The following PYHIN1 variants were observed in gnomAD, a reference collection of about 807,000 sequenced individuals.
PYHIN1 encodes the protein pyrin and HIN domain family member 1.
In PYHIN1, 32 loss-of-function variants were observed where a neutral mutation model predicts 43.7. The observed-to-expected ratio is 0.73, with a 90% confidence interval of 0.55 to 0.98. PYHIN1 has a LOEUF of 0.98. PYHIN1 is among the 50% of genes least tolerant of loss of function. The pLI is 0.00. For synonymous variants in PYHIN1, 205 were observed against 203.1 expected (o/e 1.01, Z -0.08); for missense variants, 588 against 589.5 (o/e 1.00, Z 0.03).
intron 7 of PYHIN1, among the ~76,000 whole-genome samples, chr1:158,946,152 C>G (rs1051884650): frequency 2.0e-5 from 3 of 152,238 alleles, no homozygotes; most frequent in African/African-American, 7.2e-5. Flanking sequence ...CAGGGCTTCT[C>G]AAAAATAATG....
intron 7 of PYHIN1, among the ~76,000 whole-genome samples, chr1:158,954,729 A>G (rs1346481702): frequency 2.0e-5 from 3 of 150,454 alleles, no homozygotes; most frequent in Non-Finnish European, 3.0e-5. Flanking sequence ...TCATAATGAC[A>G]GGATCAAATT....
intron 7 of PYHIN1, among the ~76,000 whole-genome samples, chr1:158,958,471 T>G (rs1307294820): frequency 2.0e-5 from 3 of 147,924 alleles, no homozygotes; most frequent in African/African-American, 7.5e-5. Context: ...ATGGATGAAA[T>G]TGGAAATCAT....
chr1:158,936,320 T>C (rs1197375854), intron 1 of PYHIN1, among the ~76,000 whole-genome samples: 1 of 150,686 alleles, frequency 6.6e-6, no homozygotes, highest in Non-Finnish European at 1.5e-5. Flanking sequence ...GTTTGGTTTT[T>C]TGTCCTTGCG....
downstream of PYHIN1, among the ~76,000 whole-genome samples, chr1:158,978,402 G>A (rs1211276398): frequency 6.6e-6 from 1 of 152,038 alleles, no homozygotes; most frequent in Admixed American, 6.6e-5. Context: ...CAGAGATTGA[G>A]TGAAGTGGTC....
intron 2 of PYHIN1, 123 bp from the exon 3 acceptor site, chr1:158,938,274 A>C: frequency 8.7e-6 from 9 of 1,037,926 alleles, no homozygotes; most frequent in Non-Finnish European, 1.3e-5. Flanking sequence ...CTAATGCAAT[A>C]GAGATAGACT....
chr1:158,968,275 A>G (rs1650741280), intron 7 of PYHIN1, among the ~76,000 whole-genome samples: 1 of 152,162 alleles, frequency 6.6e-6, no homozygotes, highest in Admixed American at 6.6e-5. Flanking sequence ...CCCATTAAAA[A>G]GTGGGCAAAG....
At chr1:158,956,479 A>G (rs1035619233) in intron 7 of PYHIN1, among the ~76,000 whole-genome samples, 6 of 150,990 alleles carry the variant, frequency 4.0e-5, no homozygotes, top group African/African-American at 1.4e-4. Context: ...AATCCAGCAT[A>G]TAAACAGAGC....
At chr1:158,938,573 G>A in intron 3 of PYHIN1, 31 bp downstream of exon 3, 1 of 1,610,840 alleles carries the variant, frequency 6.2e-7, no homozygotes, top group Non-Finnish European at 8.5e-7. Flanking sequence ...CAGGCTTCAA[G>A]TCTCACAGTG....
intron 5 of PYHIN1, 140 bp downstream of exon 5, chr1:158,942,539 T>A (rs1436909650): frequency 3.1e-6 from 2 of 647,902 alleles, no homozygotes; most frequent in Non-Finnish European, 5.1e-6. Flanking sequence ...GTAGATAAAG[T>A]CTTCTTCGAG....
At position 158,939,084 on chromosome 1, in the gene PYHIN1, G is replaced by T. The variant is rs201689252; in HGVS notation, c.416G>T (p.Arg139Ile). 2 of 1,578,746 alleles carry T rather than the reference G, an allele frequency of 1.3e-6. No individual in the cohort carries two copies. The highest frequency in any genetic ancestry group is 2.2e-5 in the East Asian group (1 of 44,550). Residue 139 changes from arginine to isoleucine, a missense_variant, in exon 4 of 9, where the codon AGA (arginine) becomes ATA (isoleucine). Coordinates refer to ENST00000368140, the MANE Select transcript of PYHIN1 (RefSeq NM_152501.5). ...AGAAAAATAAACTACTTGTAGAAAA[G>T]AAAAAAACCATCTGAAGAAGAGACT... Reference protein sequence around the residue: ...GAEETLGPQKRKKPSEEETGT... With the variant: ...GAEETLGPQKIKKPSEEETGT...
At chr1:158,961,064 C>T (rs2101707324) in intron 7 of PYHIN1, among the ~76,000 whole-genome samples, 1 of 152,134 alleles carries the variant, frequency 6.6e-6, no homozygotes, top group South Asian at 2.1e-4. Flanking sequence ...AGTATGATAC[C>T]AATCATAAAT....
chr1:158,952,739 C>T (rs982023610), intron 7 of PYHIN1, among the ~76,000 whole-genome samples: 1 of 152,070 alleles, frequency 6.6e-6, no homozygotes, highest in East Asian at 1.9e-4. Flanking sequence ...AGATTTCTCC[C>T]AGAGGGAGGA....
chr1:158,983,006 G>C, the PYHIN1 span, among the ~76,000 whole-genome samples: 2 of 152,130 alleles, frequency 1.3e-5, no homozygotes, highest in Admixed American at 6.6e-5. Flanking sequence ...CTGAGACTTT[G>C]CTGAAGTTGT....
chr1:158,945,119 C>A (rs1328798990), intron 7 of PYHIN1, 77 bp downstream of exon 7: 3 of 1,388,808 alleles, frequency 2.2e-6, no homozygotes, highest in East Asian at 2.3e-5. Context: ...GAAAGAGTTT[C>A]TCTTCTAATC....
rs1439336861 is a variant in PYHIN1, at chr1:158,939,013, T to G, written c.412-67T>G. On this transcript the variant is annotated intron_variant, in intron 3 of 8. Coordinates refer to ENST00000368140, the MANE Select transcript of PYHIN1 (RefSeq NM_152501.5). ...TATATACAATAAATATATTACCTTG[T>G]AATGAAAATGTGCTCTGCTTCATTT... 3 of 1,199,242 alleles carry G rather than the reference T, an allele frequency of 2.5e-6. No homozygotes were observed. In the East Asian group the frequency reaches 7.7e-5, roughly 31 times the overall value. The allele number at this position is 1,199,242 out of a possible 1,614,324, so 74.3% of individuals were successfully genotyped here.
At chr1:158,939,669 T>C in intron 4 of PYHIN1, 1 of 711,356 alleles carries the variant, frequency 1.4e-6, no homozygotes, top group Non-Finnish European at 2.5e-6. Flanking sequence ...CTATCCACCC[T>C]CTGGATCCCA....
intron 1 of PYHIN1, among the ~76,000 whole-genome samples, chr1:158,934,387 A>T (rs1047847491): frequency 6.6e-6 from 1 of 152,188 alleles, no homozygotes; most frequent in Non-Finnish European, 1.5e-5. Context: ...TTAGCAATTT[A>T]TATGGGACTT....
downstream of PYHIN1, among the ~76,000 whole-genome samples, chr1:158,978,724 A>G (rs114193372): frequency 7.9e-3 from 1,203 of 152,236 alleles, 12 homozygotes; most frequent in African/African-American, 0.028. Flanking sequence ...AAGGACAGTC[A>G]TGTCTGTAAA....
chr1:158,971,255 A>G lies in PYHIN1; in HGVS notation c.1360-2392A>G, dbSNP rs931877587. On this transcript the variant is annotated intron_variant, in intron 7 of 8. Transcript: ENST00000368140. ...AGAAAAATATTATGGAAATCTACAAATAGAAATGAATGAGAGTGATTTGAT... is the reference window on the plus strand; with the variant it reads ...AGAAAAATATTATGGAAATCTACAAGTAGAAATGAATGAGAGTGATTTGAT... 2.0e-5 allele frequency among the ~76,000 whole-genome samples: 3 copies of G among 152,056 alleles called. No homozygotes were observed. The Middle Eastern group carries it at 0.01, about 517-fold the overall frequency.
Sources: allele counts gnomAD v4.1 joint callset (sites outside exome capture counted in the v4.1 genomes callset), GRCh38; gene constraint gnomAD v4.1.1; transcripts MANE v1.5; gene names NCBI Gene and HGNC (gene_info 2026-07-23, HGNC 2026-07-21).